The following ROS1 variants were observed in gnomAD, a reference collection of about 807,000 sequenced individuals.
ROS1 encodes proto-oncogene tyrosine-protein kinase ROS.
ROS1 carries 263 observed loss-of-function variants against 273.5 expected under a neutral mutation model. The ratio of observed to expected loss-of-function variants is 0.96; its 90% CI spans 0.87 to 1.06. The LOEUF (loss-of-function observed/expected upper bound fraction) is 1.06. ROS1 is among the 50% of genes least tolerant of loss of function. The probability of loss-of-function intolerance (pLI) is 0.00; values close to 1 mark genes in which losing one functional copy is unlikely to be tolerated. For missense variants in ROS1, 2,833 were observed against 2,751.1 expected (o/e 1.03, Z -0.67); for synonymous variants, 1,008 against 954.1 (o/e 1.06, Z -1.04).
chr6:117,361,168 C>T (rs1286295397), intron 22 of ROS1, among the ~76,000 whole-genome samples: 1 of 151,214 alleles, frequency 6.6e-6, no homozygotes, highest in Non-Finnish European at 1.5e-5. Flanking sequence ...TCCCATTGGG[C>T]CATGCCACAT....
At chr6:117,425,456 C>T in intron 1 of ROS1, 78 bp downstream of exon 1, 1 of 1,401,000 alleles carries the variant, frequency 7.1e-7, no homozygotes. Flanking sequence ...AAAGAGAAAA[C>T]AATTCTATCA....
intron 1 of ROS1, among the ~76,000 whole-genome samples, chr6:117,420,530 T>G (rs533830489): frequency 2.0e-3 from 300 of 151,052 alleles, no homozygotes; most frequent in African/African-American, 7.1e-3. Context: ...AGTATACATA[T>G]GTAACAAAAC....
chr6:117,317,905 A>G (rs555308719), intron 38 of ROS1, among the ~76,000 whole-genome samples: 3 of 152,280 alleles, frequency 2.0e-5, no homozygotes, highest in Admixed American at 6.5e-5. Flanking sequence ...TTAGATGAAT[A>G]CAAGCATGTC....
intron 39 of ROS1, among the ~76,000 whole-genome samples, chr6:117,315,314 A>T (rs1015046865): frequency 6.6e-6 from 1 of 152,128 alleles, no homozygotes; most frequent in Non-Finnish European, 1.5e-5. Flanking sequence ...AGAACAAAGA[A>T]ATAGAGGGAA....
At chr6:117,375,446 T>C (rs745814924) in intron 18 of ROS1, among the ~76,000 whole-genome samples, 1 of 152,134 alleles carries the variant, frequency 6.6e-6, no homozygotes, top group Non-Finnish European at 1.5e-5. Flanking sequence ...TTGAATTAAA[T>C]AAATTTTTTA....
chr6:117,381,472 T>C (rs936706669), intron 17 of ROS1, among the ~76,000 whole-genome samples: 15 of 152,076 alleles, frequency 9.9e-5, no homozygotes, highest in Non-Finnish European at 1.6e-4. Flanking sequence ...CTCCCACTTA[T>C]AAGTGAGAAC....
chr6:117,391,549 C>A (rs1019902001), intron 12 of ROS1, among the ~76,000 whole-genome samples: 2 of 152,138 alleles, frequency 1.3e-5, no homozygotes, highest in African/African-American at 4.8e-5. Context: ...GCAAAAAGAA[C>A]AGCATAGAGG....
chr6:117,329,860 C>T (rs1436852726), intron 32 of ROS1, among the ~76,000 whole-genome samples: 1 of 152,284 alleles, frequency 6.6e-6, no homozygotes, highest in Middle Eastern at 3.4e-3. Flanking sequence ...ATCCCACTCT[C>T]GATCCCATGC....
Position 117,396,272 on chromosome 6 carries a change from A to G in ROS1, c.807-8T>C. 1 of 1,607,640 alleles carries G rather than the reference A, an allele frequency of 6.2e-7. No homozygotes were observed. The highest frequency in any genetic ancestry group is 2.2e-5 in the East Asian group (1 of 44,854). On this transcript the variant is annotated splice_region_variant and splice_polypyrimidine_tract_variant and intron_variant, in intron 8 of 43. Coordinates refer to ENST00000368507, the MANE Select transcript of ROS1 (RefSeq NM_001378902.1). ...ACTGCTGCAATAGAAAACCTATTCC[A>G]AAAACAATTTGGAGAGACGTGTTTC...
At chr6:117,339,895 A>G (rs1441661648) in intron 31 of ROS1, among the ~76,000 whole-genome samples, 1 of 152,080 alleles carries the variant, frequency 6.6e-6, no homozygotes, top group Non-Finnish European at 1.5e-5. Context: ...TGCTGTAGGG[A>G]GAAGTCAGCC....
chr6:117,344,043 A>G lies in ROS1; in HGVS notation c.4506+17T>C, dbSNP rs1357566556. The G allele has an allele frequency of 6.3e-7, 1 of 1,578,364 alleles. No individual in the cohort carries two copies. The highest frequency in any genetic ancestry group is 8.7e-7 in the Non-Finnish European group (1 of 1,147,638). Reference sequence around the variant, plus strand: ...AACATCTTGTGAAAAGACAAAGACCACTAGTTCCAATCTTACCAGAATTCT... The same window carrying G: ...AACATCTTGTGAAAAGACAAAGACCGCTAGTTCCAATCTTACCAGAATTCT... On this transcript the variant is annotated intron_variant, in intron 28 of 43. Transcript: ENST00000368507.
intron 42 of ROS1, among the ~76,000 whole-genome samples, chr6:117,302,364 C>G (rs1408669754): frequency 6.6e-6 from 1 of 152,106 alleles, no homozygotes; most frequent in African/African-American, 2.4e-5. Flanking sequence ...GCTTATGTGA[C>G]TTCTAGAGGC....
intron 18 of ROS1, among the ~76,000 whole-genome samples, chr6:117,372,833 G>A (rs866500062): frequency 9.2e-5 from 14 of 152,314 alleles, no homozygotes; most frequent in African/African-American, 3.1e-4. Context: ...CTACACTGTG[G>A]AAAAGGATCC....
chr6:117,329,476 A>T (rs1277800921), intron 32 of ROS1, 30 bp from the exon 33 acceptor site: 1 of 1,025,432 alleles, frequency 9.8e-7, no homozygotes, highest in Admixed American at 1.8e-5. Context: ...ATATTGGTTG[A>T]TATGTTTGAA....
In ROS1 at chr6:117,359,970, T is replaced by C; in HGVS notation, c.3472A>G (p.Lys1158Glu). ...FPHLITLLGNKIVFLDMDQNQ... is the reference protein window; with the variant it reads ...FPHLITLLGNEIVFLDMDQNQ... Reference sequence around the variant, plus strand: ...TGATCCATATCTAAAAAAACTATCTTGTTACCAAGAAGAGTTATGAGGTGA... The same window carrying C: ...TGATCCATATCTAAAAAAACTATCTCGTTACCAAGAAGAGTTATGAGGTGA... The change falls in exon 24 of 44, where the codon AAG becomes GAG. Residue 1158 changes from lysine to glutamate, a missense_variant. Physicochemically the swap from Lys to Glu is moderately conservative, Grantham distance 56. Transcript: ENST00000368507. The C allele has an allele frequency of 1.9e-6, 3 of 1,613,882 alleles. No homozygotes were observed. The highest frequency in any genetic ancestry group is 2.5e-6 in the Non-Finnish European group (3 of 1,179,874).
At chr6:117,315,651 A>G (rs954097143) in intron 39 of ROS1, among the ~76,000 whole-genome samples, 1 of 151,994 alleles carries the variant, frequency 6.6e-6, no homozygotes, top group African/African-American at 2.4e-5. Context: ...TTTTCTCAAA[A>G]ATTAAAAAAA....
At chr6:117,311,210 C>T in intron 39 of ROS1, 93 bp from the exon 40 acceptor site, 1 of 610,352 alleles carries the variant, frequency 1.6e-6, no homozygotes, top group Non-Finnish European at 2.8e-6. Flanking sequence ...CATGTATATG[C>T]ATATGCATGT....
At chr6:117,289,646 C>T (rs1462088018) in intron 43 of ROS1, among the ~76,000 whole-genome samples, 1 of 152,190 alleles carries the variant, frequency 6.6e-6, no homozygotes, top group Non-Finnish European at 1.5e-5. Context: ...GATAGCCAAG[C>T]TACAGGTTCA....
intron 39 of ROS1, among the ~76,000 whole-genome samples, chr6:117,315,530 T>C (rs997935967): frequency 1.1e-4 from 17 of 152,042 alleles, no homozygotes; most frequent in African/African-American, 4.1e-4. Flanking sequence ...TTATTGGCAA[T>C]TGTAGAAGCG....
Sources: allele counts gnomAD v4.1 joint callset (sites outside exome capture counted in the v4.1 genomes callset), GRCh38; gene constraint gnomAD v4.1.1; transcripts MANE v1.5; gene names NCBI Gene and HGNC (gene_info 2026-07-23, HGNC 2026-07-21).